Variants in DGCR2 observed in about 807,000 individuals in gnomAD.
The protein encoded by DGCR2 is integral membrane protein DGCR2/IDD.
In DGCR2, 24 loss-of-function variants were observed where a neutral mutation model predicts 51.6. The observed-to-expected ratio is 0.47, with a 90% confidence interval of 0.34 to 0.65. The LOEUF is 0.65. DGCR2 is among the 30% of genes least tolerant of loss of function. The pLI is 0.01. For missense variants in DGCR2, 765 were observed against 772.1 expected (o/e 0.99, Z 0.11); for synonymous variants, 340 against 315.4 (o/e 1.08, Z -0.82).
In DGCR2 at chr22:19,057,098, G is replaced by A. The variant is rs904530295; in HGVS notation, c.690C>T (p.Asn230=). The A allele has an allele frequency of 6.2e-6, 10 of 1,607,128 alleles. No homozygotes were observed. Among genetic ancestry groups the A allele is most frequent in the African/African-American group, 2.7e-5 (2 of 74,870 alleles). Residue 230 remains asparagine, a synonymous_variant, in exon 6 of 10, where the codon AAC becomes AAT. Transcript: ENST00000263196. This position sits in a 1 kb window ranked among gnomAD's most constrained non-coding sequence, Gnocchi z 5.1. ...IFASAMSEND[N]VFCAQLQCFH... ...AGCACTGAAGCTGGGCACAGAACAC[G>A]TTGTCGTTCTCAGACATGGCCGAGG... is the stretch of plus-strand genomic sequence containing the variant.
At chr22:19,041,359 T>C in intron 8 of DGCR2, 65 bp from the exon 9 acceptor site, 1 of 1,509,782 alleles carries the variant, frequency 6.6e-7, no homozygotes, top group Non-Finnish European at 9.1e-7. Flanking sequence ...GCCTGGCTCC[T>C]GAGCCCCCCA....
chr22:19,062,076 C>T (rs192209709), intron 5 of DGCR2, among the ~76,000 whole-genome samples: 2 of 152,306 alleles, frequency 1.3e-5, no homozygotes, highest in African/African-American at 4.8e-5. Context: ...GTCAGGAGGA[C>T]AAGCTACCAG....
intron 5 of DGCR2, among the ~76,000 whole-genome samples, chr22:19,062,334 G>A (rs993541134): frequency 1.8e-4 from 28 of 152,226 alleles, no homozygotes; most frequent in Non-Finnish European, 3.7e-4. Flanking sequence ...CCCTGTCCCA[G>A]CAGCCAGGCA....
chr22:19,102,429 G>A (rs1184652411), intron 1 of DGCR2, among the ~76,000 whole-genome samples: 4 of 151,854 alleles, frequency 2.6e-5, no homozygotes, highest in Admixed American at 6.6e-5. Flanking sequence ...GGGGCCGGGC[G>A]TGGTGGCTCA....
chr22:19,081,228 A>G (rs533989766), intron 2 of DGCR2, among the ~76,000 whole-genome samples: 1 of 152,162 alleles, frequency 6.6e-6, no homozygotes, highest in Admixed American at 6.5e-5. Flanking sequence ...ACCTCCCCAC[A>G]CCCCATTTAG....
chr22:19,104,877 T>C (rs1481128916), intron 1 of DGCR2, among the ~76,000 whole-genome samples: 1 of 151,672 alleles, frequency 6.6e-6, no homozygotes, highest in East Asian at 1.9e-4. Context: ...TCCAGCACAC[T>C]TCAAAGCAGC....
intron 2 of DGCR2, among the ~76,000 whole-genome samples, chr22:19,069,064 C>T (rs2082783723): frequency 6.6e-6 from 1 of 152,252 alleles, no homozygotes; most frequent in South Asian, 2.1e-4. Flanking sequence ...TGGGCCCGCT[C>T]ACCTCCCACT....
chr22:19,112,276 A>T lies in DGCR2; in HGVS notation c.79+9852T>A, dbSNP rs867541842. The stretch of plus-strand genomic sequence containing the variant: ...TGACACAGCAAGACTCCATCTTTTA[A>T]AAAAAAAAAAAAAAAACCTAGGAAA... On this transcript the variant is annotated intron_variant, in intron 1 of 9. Transcript: ENST00000263196. 2.9e-3 allele frequency among the ~76,000 whole-genome samples: 191 copies of T among 65,878 alleles called. 1 individual carries two copies. In the Middle Eastern group the frequency reaches 0.1, roughly 36 times the overall value. The allele number at this position is 65,878 out of a possible 152,430, so 43.2% of individuals were successfully genotyped here.
chr22:19,122,295 G>A lies in DGCR2; in HGVS notation c.-89C>T. ...GGGACCGTGCCAAGCGGAGGGTCAG[G>A]CGGAGCTGAACCTGGGCGAGGCGCG... On this transcript the variant is annotated 5_prime_UTR_variant, in exon 1 of 10. Transcript: ENST00000263196. 1 of 1,179,196 alleles carries A rather than the reference G, an allele frequency of 8.5e-7. No homozygotes were observed. Among genetic ancestry groups the A allele is most frequent in the Non-Finnish European group, 1.1e-6 (1 of 872,428 alleles). The allele number at this position is 1,179,196 out of a possible 1,614,324, so 73.0% of individuals were successfully genotyped here. A position where few individuals can be genotyped will look rare whatever the true frequency, so the allele number is the denominator to read the frequency against.
chr22:19,111,388 T>C (rs1308508620), intron 1 of DGCR2, among the ~76,000 whole-genome samples: 13 of 152,204 alleles, frequency 8.5e-5, no homozygotes, highest in Admixed American at 7.2e-4. Flanking sequence ...TAGCTCCCTC[T>C]GCCATACAGC....
chr22:19,114,051 T>C (rs1244886598), intron 1 of DGCR2, among the ~76,000 whole-genome samples: 1 of 122,460 alleles, frequency 8.2e-6, no homozygotes, highest in Non-Finnish European at 1.6e-5. Context: ...AAAAGCAAGA[T>C]TCCATTTGAG....
intron 1 of DGCR2, among the ~76,000 whole-genome samples, chr22:19,091,104 A>G (rs2083073495): frequency 6.6e-6 from 1 of 152,232 alleles, no homozygotes; most frequent in South Asian, 2.1e-4. Context: ...CATCTCCATA[A>G]TCCCAGCATT....
chr22:19,089,256 A>T, intron 2 of DGCR2, 112 bp downstream of exon 2: 1 of 1,237,254 alleles, frequency 8.1e-7, no homozygotes, highest in Non-Finnish European at 1.1e-6. Context: ...GCTCAAACTA[A>T]CTTTCCAATG....
At chr22:19,110,884 C>A (rs1652331542) in intron 1 of DGCR2, among the ~76,000 whole-genome samples, 1 of 152,164 alleles carries the variant, frequency 6.6e-6, no homozygotes, top group Non-Finnish European at 1.5e-5. Context: ...CATCACATCT[C>A]ATGCTGCAAT....
chr22:19,041,781 G>C (rs1442630203), intron 8 of DGCR2, 26 bp downstream of exon 8: 1 of 1,606,242 alleles, frequency 6.2e-7, no homozygotes, highest in Non-Finnish European at 8.5e-7. Context: ...TGGGGACCAG[G>C]GTTGTGGCCC....
At chr22:19,064,819 G>T in intron 4 of DGCR2, 29 bp downstream of exon 4, 1 of 1,600,696 alleles carries the variant, frequency 6.2e-7, no homozygotes, top group Non-Finnish European at 8.5e-7. Context: ...TCTGACTCCA[G>T]CCCCTCAGGT....
chr22:19,046,214 A>T (rs1281582597), intron 7 of DGCR2: 2 of 149,420 alleles, frequency 1.3e-5, no homozygotes, highest in African/African-American at 5.0e-5. Context: ...TACAGTTTGC[A>T]GCAAACAGAA....
rs1286692796 is a variant in DGCR2, at chr22:19,077,801, G to A, written c.203-9576C>T. 2.6e-5 allele frequency among the ~76,000 whole-genome samples: 4 copies of A among 151,640 alleles called. No individual in the cohort carries two copies. The East Asian group carries it at 7.7e-4, about 29-fold the overall frequency. On this transcript the variant is annotated intron_variant, in intron 2 of 9. Coordinates refer to ENST00000263196, the MANE Select transcript of DGCR2 (RefSeq NM_005137.3). ...TCACATCTTACGTTTTACAGTCCAT[G>A]AGCATGGAACATCTCTCAATTTATT...
chr22:19,089,812 C>A (rs2083058628), intron 1 of DGCR2, among the ~76,000 whole-genome samples: 1 of 152,236 alleles, frequency 6.6e-6, no homozygotes, highest in Non-Finnish European at 1.5e-5. Flanking sequence ...AACTCCTGGC[C>A]TCAAGTGATC....
Sources: allele counts gnomAD v4.1 joint callset (sites outside exome capture counted in the v4.1 genomes callset), GRCh38; gene constraint gnomAD v4.1.1; non-coding constraint Gnocchi (gnomAD v3.1); transcripts MANE v1.5; gene names NCBI Gene and HGNC (gene_info 2026-07-23, HGNC 2026-07-21).